STARD13: variants seen among roughly 807,000 people sequenced by gnomAD.
STARD13 encodes stAR-related lipid transfer protein 13.
A neutral mutation model predicts 106.4 loss-of-function variants in STARD13; 62 were observed. The ratio of observed to expected loss-of-function variants is 0.58; its 90% confidence interval spans 0.48 to 0.72. The LOEUF is 0.72. STARD13 is among the 30% of genes least tolerant of loss of function. STARD13 has a pLI of 0.00. For missense variants in STARD13, 1,387 were observed against 1,424.0 expected, an observed-to-expected ratio of 0.97 and a Z score of 0.42; for synonymous variants, 565 against 553.0, an observed-to-expected ratio of 1.02 and a Z score of -0.31.
intron 1 of STARD13, among the ~76,000 whole-genome samples, chr13:33,177,005 C>T (rs1340423857): frequency 3.3e-5 from 5 of 152,160 alleles, no homozygotes; most frequent in Admixed American, 1.3e-4. Context: ...AGGATCTTCA[C>T]ATTTGATGTT....
At chr13:33,436,130 G>A in the STARD13 span, among the ~76,000 whole-genome samples, 73 of 152,270 alleles carry the variant, frequency 4.8e-4, 1 homozygote, top group African/African-American at 1.6e-3. Context: ...AGCTATGTCC[G>A]TGAAGCGTCT....
intron 4 of STARD13, among the ~76,000 whole-genome samples, chr13:33,132,303 C>T (rs987760816): frequency 7.9e-5 from 12 of 152,048 alleles, no homozygotes; most frequent in South Asian, 2.1e-4. Context: ...GGGAGGGACC[C>T]GGTGGGAGAT....
At chr13:33,334,275 G>A (rs563111634) in intron 1 of STARD13, among the ~76,000 whole-genome samples, 1 of 152,132 alleles carries the variant, frequency 6.6e-6, no homozygotes, top group African/African-American at 2.4e-5. Context: ...CTTTTTTATT[G>A]CAAGACAAAG....
At position 33,238,214 on chromosome 13, in the gene STARD13, T is replaced by C. The variant is rs114794966; in HGVS notation, c.169+47256A>G. Among the ~76,000 whole-genome samples the C allele has an allele frequency of 3.5e-3, 540 of 152,290 alleles. 2 individuals are homozygous for C. Among genetic ancestry groups the C allele is most frequent in the African/African-American group, 0.013 (521 of 41,574 alleles). ...ACATTGAACACAACAGACATAATCC[T>C]CACTCACTTGGGTTTTTCTTTGTTG... On this transcript the variant is annotated intron_variant, in intron 1 of 13. Coordinates refer to ENST00000336934, the MANE Select transcript of STARD13 (RefSeq NM_178006.4).
the STARD13 span, among the ~76,000 whole-genome samples, chr13:33,548,905 C>T: frequency 5.3e-5 from 8 of 151,420 alleles, no homozygotes; most frequent in African/African-American, 1.9e-4. Context: ...TAAAGAAAGA[C>T]AAAATCAAAA....
chr13:33,140,790 T>A (rs1469711253), intron 4 of STARD13, among the ~76,000 whole-genome samples: 2 of 144,282 alleles, frequency 1.4e-5, no homozygotes, highest in Non-Finnish European at 3.0e-5. Context: ...TGAGGCGGAG[T>A]CTCTCTCTGT....
At chr13:33,631,895 A>G in the STARD13 span, among the ~76,000 whole-genome samples, 8 of 152,220 alleles carry the variant, frequency 5.3e-5, no homozygotes, top group South Asian at 2.1e-4. Flanking sequence ...GGAAGAAAGA[A>G]TGCTTCATGG....
chr13:33,245,265 C>G (rs548804188), intron 1 of STARD13, among the ~76,000 whole-genome samples: 1 of 152,204 alleles, frequency 6.6e-6, no homozygotes, highest in South Asian at 2.1e-4. Flanking sequence ...GATAATTTGT[C>G]CTAAGACATG....
chr13:33,211,088 AT>A (rs1307765737), intron 1 of STARD13, among the ~76,000 whole-genome samples: 2 of 152,114 alleles, frequency 1.3e-5, no homozygotes, highest in East Asian at 3.8e-4. Context: ...GGACAGGATC[AT>A]TCCTTTTTAG....
At chr13:33,589,523 A>G in the STARD13 span, among the ~76,000 whole-genome samples, 2,283 of 152,286 alleles carry the variant, frequency 0.015, 51 homozygotes, top group African/African-American at 0.051. Flanking sequence ...GGTTTCGAAG[A>G]ACATCTTTAT....
intron 1 of STARD13, among the ~76,000 whole-genome samples, chr13:33,181,982 A>T (rs1056681612): frequency 6.6e-6 from 1 of 152,266 alleles, no homozygotes; most frequent in Admixed American, 6.5e-5. Flanking sequence ...AGGCATAGTC[A>T]GTCATACCTG....
In STARD13 at chr13:33,326,704, C is replaced by A. The variant is rs565110566; in HGVS notation, c.124+23586G>T. 5.9e-5 allele frequency among the ~76,000 whole-genome samples: 9 copies of A among 152,302 alleles called. No individual in the cohort carries two copies. The East Asian group carries it at 1.5e-3, about 26-fold the overall frequency. On this transcript the variant is annotated intron_variant, in intron 1 of 5. Coordinates refer to the STARD13 transcript ENST00000567873. ...TACTGAAAAACACCTCAAAGTGATT[C>A]TTTTGTATTAAAACTTGGGAATTAA...
the STARD13 span, among the ~76,000 whole-genome samples, chr13:33,588,883 G>T: frequency 6.6e-6 from 1 of 152,102 alleles, no homozygotes; most frequent in Non-Finnish European, 1.5e-5. Flanking sequence ...CTTTCAACAA[G>T]CAATTTTCTG....
At chr13:33,494,369 G>A in the STARD13 span, among the ~76,000 whole-genome samples, 2 of 150,974 alleles carry the variant, frequency 1.3e-5, no homozygotes, top group African/African-American at 4.9e-5. Flanking sequence ...CAGGAGAGCC[G>A]TGATTTTATT....
At chr13:33,478,108 A>G in the STARD13 span, among the ~76,000 whole-genome samples, 1 of 152,134 alleles carries the variant, frequency 6.6e-6, no homozygotes, top group Non-Finnish European at 1.5e-5. Flanking sequence ...GCATGTAACT[A>G]CATTCCTTTT....
chr13:33,608,825 G>A, the STARD13 span, among the ~76,000 whole-genome samples: 2 of 152,216 alleles, frequency 1.3e-5, no homozygotes, highest in Non-Finnish European at 2.9e-5. Flanking sequence ...GATGGCTCAC[G>A]CCTGTAATCC....
chr13:33,508,449 C>G, the STARD13 span, among the ~76,000 whole-genome samples: 1 of 152,160 alleles, frequency 6.6e-6, no homozygotes, highest in Non-Finnish European at 1.5e-5. Context: ...AACTCTGTAA[C>G]CAACATGCTT....
chr13:33,398,943 T>C, the STARD13 span, among the ~76,000 whole-genome samples: 1 of 152,186 alleles, frequency 6.6e-6, no homozygotes, highest in Non-Finnish European at 1.5e-5. Context: ...AAGGCCTTCA[T>C]GTGAACGTTC....
At chr13:33,350,615 G>A (rs921142961) in exon 1 of STARD13, 3 of 1,379,208 alleles carry the variant, frequency 2.2e-6, no homozygotes, top group African/African-American at 3.1e-5. Context: ...CACCAGAAAC[G>A]CCGCGCTAGG....
Sources: allele counts gnomAD v4.1 joint callset (sites outside exome capture counted in the v4.1 genomes callset), GRCh38; gene constraint gnomAD v4.1.1; transcripts MANE v1.5; gene names NCBI Gene and HGNC (gene_info 2026-07-23, HGNC 2026-07-21).